POU5F1B: variants seen among roughly 807,000 people sequenced by gnomAD.
POU5F1B encodes the protein POU class 5 homeobox 1B.
Under a neutral mutation model 28.1 loss-of-function variants are expected in POU5F1B, and 24 were observed. The observed-to-expected ratio is 0.85, with a 90% confidence interval of 0.62 to 1.20. The LOEUF (loss-of-function observed/expected upper bound fraction) is 1.20. Ranked by LOEUF, POU5F1B falls within the 50% of genes most tolerant of loss-of-function variation. The pLI is 0.00. For synonymous variants in POU5F1B, 220 were observed against 193.2 expected (o/e 1.14, Z -1.15); for missense variants, 451 against 451.5 (o/e 1.00, Z 0.01).
exon 3 of POU5F1B, chr8:127,416,348 G>T (rs1412846423): frequency 6.2e-7 from 1 of 1,612,054 alleles, no homozygotes; most frequent in Admixed American, 1.7e-5. Flanking sequence ...ATCACCCTGG[G>T]ATATACACAG....
rs777438148 is a variant in POU5F1B, at chr8:127,416,198, C to T, written c.332C>T (p.Ser111Phe). ...GTGGAGAGCAACTCCAATGGGGCCT[C>T]CCCGGAACCCTGCACCGTCCCCCCT... is the stretch of plus-strand genomic sequence containing the variant. The change falls in exon 3 of 3, where the codon TCC becomes TTC. Residue 111 changes from serine (S) to phenylalanine (F), a missense_variant. Coordinates refer to ENST00000465342, the Ensembl canonical transcript of POU5F1B. 2.5e-6 allele frequency: 4 copies of T among 1,613,730 alleles called. No individual in the cohort carries two copies. Among genetic ancestry groups the T allele is most frequent in the Non-Finnish European group, 3.4e-6 (4 of 1,179,816 alleles).
At chr8:127,416,332 A>C (rs1344979016) in exon 3 of POU5F1B, 7 of 1,613,220 alleles carry the variant, frequency 4.3e-6, no homozygotes, top group Non-Finnish European at 5.9e-6. Flanking sequence ...CCTGAAGCAG[A>C]AGAGGATCAC....
intron 2 of POU5F1B, chr8:127,415,061 C>T (rs10808557): frequency 0.51 from 77,191 of 152,112 alleles, 21,434 homozygotes; most frequent in East Asian, 0.65. Context: ...CTCCAGCCCC[C>T]GTTAGGCTCC....
exon 3 of POU5F1B, chr8:127,417,078 G>C: frequency 7.7e-7 from 1 of 1,295,472 alleles, no homozygotes; most frequent in Non-Finnish European, 1.1e-6. Flanking sequence ...ACTAAGGGTG[G>C]GGGCAGGGGA....
At position 127,416,951 on chromosome 8, in the gene POU5F1B, C is replaced by T. The variant is rs745769186; in HGVS notation, c.*5C>T. 40 of 1,599,052 alleles carry T rather than the reference C, an allele frequency of 2.5e-5. No homozygotes were observed. The East Asian group carries it at 6.7e-4, about 27-fold the overall frequency. On this transcript the variant is annotated 3_prime_UTR_variant, in exon 3 of 3. Coordinates refer to ENST00000465342, the Ensembl canonical transcript of POU5F1B. ...TCTCCCATGCATTCAAACTGAGGTG[C>T]CTGCCCTTCTAGGAATGGGGAACAG...
At chr8:127,415,807 T>A in exon 3 of POU5F1B, 3 of 1,462,384 alleles carry the variant, frequency 2.1e-6, no homozygotes, top group African/African-American at 1.4e-5. Context: ...GAGCTTTCAA[T>A]GAAAAGTAAC....
At chr8:127,414,860 G>C (rs1057486995) in intron 1 of POU5F1B, 1 of 152,234 alleles carries the variant, frequency 6.6e-6, no homozygotes, top group Non-Finnish European at 1.5e-5. Flanking sequence ...AGAACGCAGT[G>C]GCTTCTTCCC....
rs1244998806 is a variant in POU5F1B, at chr8:127,416,843, G to C, written c.977G>C (p.Ser326Thr). Reference sequence around the variant, plus strand: ...CATTTTGGTACCCCAGGCTATGGGAGCCCTCACTTCACTGCACTGTACTCC... The same window carrying C: ...CATTTTGGTACCCCAGGCTATGGGACCCCTCACTTCACTGCACTGTACTCC... Residue 326 changes from serine to threonine, a missense_variant, in exon 3 of 3, where the codon AGC becomes ACC. Coordinates refer to ENST00000465342, the Ensembl canonical transcript of POU5F1B. 14 of 1,603,030 alleles carry C rather than the reference G, an allele frequency of 8.7e-6. 1 individual carries two copies. In the Admixed American group the frequency reaches 2.4e-4, roughly 28 times the overall value.
At chr8:127,416,621 G>T (rs1366204741) in exon 3 of POU5F1B, 1 of 1,598,822 alleles carries the variant, frequency 6.3e-7, no homozygotes, top group South Asian at 1.1e-5. Context: ...TTCCTGCAGT[G>T]CCCGAAACCC....
Position 127,413,857 on chromosome 8 carries a change from T to TACACACACACACAC in POU5F1B, c.-559-1021_-559-1008dup, listed in dbSNP as rs3999776. On this transcript the variant is annotated intron_variant, in intron 1 of 2. Transcript: ENST00000465342. ...TTTTGTGCTTCTTAAAAAAAGGTGG[T>TACACACACACACAC]ACACACACACACACACACACACAAC... is the stretch of plus-strand genomic sequence containing the variant. Among the ~76,000 whole-genome samples, 180 of 150,708 alleles carry TACACACACACACAC rather than the reference T, an allele frequency of 1.2e-3. 1 individual carries two copies. The highest frequency in any genetic ancestry group is 4.1e-3 in the African/African-American group (169 of 41,090).
At chr8:127,413,611 G>C (rs1476185294) in intron 1 of POU5F1B, among the ~76,000 whole-genome samples, 1 of 152,166 alleles carries the variant, frequency 6.6e-6, no homozygotes, top group African/African-American at 2.4e-5. Flanking sequence ...AATCTAGCCT[G>C]TCTCCCCATG....
exon 3 of POU5F1B, chr8:127,415,760 CT>C: frequency 7.0e-7 from 1 of 1,434,542 alleles, no homozygotes; most frequent in South Asian, 1.5e-5. Flanking sequence ...GTGTTCATTG[CT>C]AGTGAGCGTA....
rs1764127734 is a variant in POU5F1B, at chr8:127,416,667, G to A, written c.801G>A (p.Gly267=). Residue 267 remains glycine (G), a synonymous_variant, in exon 3 of 3, where the codon GGG becomes GGA. Coordinates refer to ENST00000465342, the Ensembl canonical transcript of POU5F1B. ...TCAGCCACATCGCCCAGCAGCTTGG[G>A]CTCGAGAAGGATGTGGTCCGAGTGT... 3 of 1,604,506 alleles carry A rather than the reference G, an allele frequency of 1.9e-6. No individual in the cohort carries two copies. The Middle Eastern group carries it at 5.0e-4, about 265-fold the overall frequency.
At chr8:127,416,516 T>A (rs1205518732) in exon 3 of POU5F1B, 8 of 1,609,188 alleles carry the variant, frequency 5.0e-6, no homozygotes, top group Non-Finnish European at 6.8e-6. Flanking sequence ...AATGAAAATC[T>A]TCAGGAGATA....
rs1162533647 is a variant in POU5F1B at position 127,417,069 on chromosome 8, C to T, written c.*123C>T. 4 of 1,397,698 alleles carry T rather than the reference C, an allele frequency of 2.9e-6. No individual in the cohort carries two copies. The African/African-American group carries it at 5.7e-5, about 20-fold the overall frequency. The allele number at this position is 1,397,698 out of a possible 1,614,324, so 86.6% of individuals were successfully genotyped here. A position where few individuals can be genotyped will look rare whatever the true frequency, so the allele number is the denominator to read the frequency against. On this transcript the variant is annotated 3_prime_UTR_variant, in exon 3 of 3. Coordinates refer to ENST00000465342, the Ensembl canonical transcript of POU5F1B. Reference sequence around the variant, plus strand: ...TTCACTAAGGAAGGAATTGGGAACACTAAGGGTGGGGGCAGGGGAGTTTGG... The same window carrying T: ...TTCACTAAGGAAGGAATTGGGAACATTAAGGGTGGGGGCAGGGGAGTTTGG...
At chr8:127,416,184 C>G in exon 3 of POU5F1B, 1 of 1,613,862 alleles carries the variant, frequency 6.2e-7, no homozygotes, top group Non-Finnish European at 8.5e-7. Context: ...TGGAGAGCAA[C>G]TCCAATGGGG....
exon 3 of POU5F1B, chr8:127,416,454 C>T (rs1251922838): frequency 2.5e-6 from 4 of 1,609,028 alleles, no homozygotes; most frequent in Non-Finnish European, 3.4e-6. Flanking sequence ...GCTTCAAGAA[C>T]ATGTGTAAGC....
chr8:127,417,211 G>GGAAAGA, exon 3 of POU5F1B: 2 of 291,050 alleles, frequency 6.9e-6, no homozygotes, highest in Non-Finnish European at 1.3e-5. Context: ...AAAAAAAAAA[G>GGAAAGA]AAAGAAAAGA....
chr8:127,416,925 C>T (rs1815154982), exon 3 of POU5F1B: 1 of 1,601,366 alleles, frequency 6.2e-7, no homozygotes, highest in Middle Eastern at 1.7e-4. Flanking sequence ...TCACTCTGGG[C>T]TCTCCCATGC....
Sources: allele counts gnomAD v4.1 joint callset (sites outside exome capture counted in the v4.1 genomes callset), GRCh38; gene constraint gnomAD v4.1.1; transcripts MANE v1.5; gene names NCBI Gene and HGNC (gene_info 2026-07-23, HGNC 2026-07-21).